CAPN15: variants seen among roughly 807,000 people sequenced by gnomAD.
CAPN15 encodes the protein calpain 15, also known as calpain-15.
Under a neutral mutation model 97.9 loss-of-function variants are expected in CAPN15, and 53 were observed. That is an observed-to-expected ratio of 0.54 (90% confidence interval 0.43 to 0.68). The LOEUF (loss-of-function observed/expected upper bound fraction) is 0.68. Ranked by LOEUF, CAPN15 falls within the 30% of genes least tolerant of loss-of-function variation. The probability of loss-of-function intolerance (pLI) is 0.00; values close to 1 mark genes in which losing one functional copy is unlikely to be tolerated. For synonymous variants in CAPN15, 922 were observed against 722.5 expected, an observed-to-expected ratio of 1.28 and a Z score of -4.43; for missense variants, 1,592 against 1,589.8, an observed-to-expected ratio of 1.00 and a Z score of -0.02.
intron 2 of CAPN15, among the ~76,000 whole-genome samples, chr16:534,344 G>A (rs1422979666): frequency 1.4e-4 from 21 of 151,146 alleles, no homozygotes; most frequent in South Asian, 2.1e-4. Context: ...GCCTGTGCAC[G>A]GCCCCCACCG....
At position 552,112 on chromosome 16, in the gene CAPN15, G is replaced by A. The variant is rs2035129579; in HGVS notation, c.2407G>A (p.Gly803Ser). Reference sequence around the variant, plus strand: ...GGACTGGCAGGAGGCGCGGGTGCAGGGCTGCTTTCCCAGCTCGGCCAGCGC... The same window carrying A: ...GGACTGGCAGGAGGCGCGGGTGCAGAGCTGCTTTCCCAGCTCGGCCAGCGC... ...HSDWQEARVQ[G>S]CFPSSASAPV... Residue 803 changes from glycine to serine, a missense_variant, in exon 10 of 14, where the codon GGC becomes AGC. Transcript: ENST00000219611. The surrounding 1 kb of genome is among the most constrained non-coding windows in gnomAD (Gnocchi z 6.4). 2.6e-6 allele frequency: 4 copies of A among 1,548,838 alleles called. No homozygotes were observed. Among genetic ancestry groups the A allele is most frequent in the South Asian group, 1.2e-5 (1 of 84,038 alleles).
chr16:546,851 G>A lies in CAPN15; in HGVS notation c.13G>A (p.Gly5Arg), dbSNP rs771093418. 1.1e-5 allele frequency: 17 copies of A among 1,607,802 alleles called. No homozygotes were observed. The highest frequency in any genetic ancestry group is 8.0e-5 in the African/African-American group (6 of 74,892). Residue 5 changes from glycine to arginine, a missense_variant, in exon 4 of 14, where the codon GGA becomes AGA. Coordinates refer to ENST00000219611, the MANE Select transcript of CAPN15 (RefSeq NM_005632.3). MATV[G>R]EWSCVRCTFL... ...CTCGCCCGGGTCTATGGCCACGGTC[G>A]GAGAGTGGTCCTGTGTGCGCTGCAC...
intron 3 of CAPN15, among the ~76,000 whole-genome samples, chr16:544,270 GCACCCCGGT>G (rs1366313767): frequency 1.5e-4 from 23 of 152,096 alleles, no homozygotes; most frequent in Non-Finnish European, 4.4e-5. Flanking sequence ...ACCAAGTCTG[GCACCCCGGT>G]GTGCCCCGAG....
At position 547,851 on chromosome 16, in the gene CAPN15, G is replaced by A; in HGVS notation, c.1013G>A (p.Ser338Asn). 2 of 1,611,472 alleles carry A rather than the reference G, an allele frequency of 1.2e-6. No individual in the cohort carries two copies. The highest frequency in any genetic ancestry group is 1.7e-6 in the Non-Finnish European group (2 of 1,179,400). ...CGTTACACGCCCGCCAGCCCCTCCA[G>A]CCCCGACTTCACCACCTGGTCATGT... Reference protein sequence around the residue: ...TVRYTPASPSSPDFTTWSCAK... With the variant: ...TVRYTPASPSNPDFTTWSCAK... Residue 338 changes from serine to asparagine, a missense_variant, in exon 4 of 14, where the codon AGC (serine) becomes AAC (asparagine). Around this residue, in one of 3 missense-constraint regions of CAPN15, gnomAD observed 883 missense variants for 776.6 expected, o/e 1.14. Transcript: ENST00000219611.
Position 549,728 on chromosome 16 carries a change from C to T in CAPN15, c.1956C>T (p.Thr652=), listed in dbSNP as rs764857171. ...GRAIEGLATL[T]GAPCESLALQ... The stretch of plus-strand genomic sequence containing the variant: ...CCATCGAAGGCCTGGCCACGCTCAC[C>T]GGCGCCCCCTGTGAGAGCCTGGCGC... The change falls in exon 7 of 14, where the codon ACC becomes ACT. Residue 652 remains threonine, a synonymous_variant. Transcript: ENST00000219611. 30 of 1,579,348 alleles carry T rather than the reference C, an allele frequency of 1.9e-5. No homozygotes were observed. Among genetic ancestry groups the T allele is most frequent in the South Asian group, 2.3e-5 (2 of 86,960 alleles).
intron 7 of CAPN15, 63 bp from the exon 8 acceptor site, chr16:551,239 C>G: frequency 6.6e-7 from 1 of 1,514,130 alleles, no homozygotes; most frequent in South Asian, 1.2e-5. Flanking sequence ...GTGAGGGTCC[C>G]CGGTCGGTGA....
chr16:539,015 C>A (rs2033923936), intron 3 of CAPN15: 1 of 152,112 alleles, frequency 6.6e-6, no homozygotes, highest in African/African-American at 2.4e-5. Context: ...CCTCCCACGT[C>A]AGCCTCCTGA....
rs1242798396 is a variant in CAPN15 at position 549,984 on chromosome 16, A to G, written c.2066+146A>G. 6.2e-6 allele frequency: 4 copies of G among 646,810 alleles called. No individual in the cohort carries two copies. The East Asian group carries it at 8.3e-5, about 13-fold the overall frequency. The allele number at this position is 646,810 out of a possible 1,614,324, so 40.1% of individuals were successfully genotyped here. ...GGCTGACCCCGCGTGGCCAGGCCAC[A>G]GCCCCAATCACCTCCCCCTCCCTGG... On this transcript the variant is annotated intron_variant, in intron 7 of 13. Coordinates refer to ENST00000219611, the MANE Select transcript of CAPN15 (RefSeq NM_005632.3).
rs1301071160 is a variant in CAPN15 at position 535,282 on chromosome 16, A to G, written c.-136-747A>G. The G allele has an allele frequency of 6.5e-6, 1 of 154,210 alleles. No individual in the cohort carries two copies. The highest frequency in any genetic ancestry group is 1.5e-5 in the Non-Finnish European group (1 of 68,134). The allele number at this position is 154,210 out of a possible 1,614,324, so 9.6% of individuals were successfully genotyped here. On this transcript the variant is annotated intron_variant, in intron 2 of 13. Transcript: ENST00000219611. The surrounding 1 kb of genome is among the most constrained non-coding windows in gnomAD (Gnocchi z 6.2). The stretch of plus-strand genomic sequence containing the variant: ...AAGGCCAGCACCAGAGACCCCCAGC[A>G]GACCTCAGTGGCCGCAGATGGAGCG...
chr16:550,527 GC>G (rs2034915027), intron 7 of CAPN15, among the ~76,000 whole-genome samples: 1 of 152,242 alleles, frequency 6.6e-6, no homozygotes. Context: ...GTCGCGGCCA[GC>G]GAGGGCACTG....
chr16:551,126 T>G lies in CAPN15; in HGVS notation c.2067-176T>G, dbSNP rs1407297431. ...AGGGTCCCCGGTCGGTGAGGGCCCCTGTTGGTGAGGGCCCCGGTCGGTGAG... is the reference window on the plus strand; with the variant it reads ...AGGGTCCCCGGTCGGTGAGGGCCCCGGTTGGTGAGGGCCCCGGTCGGTGAG... On this transcript the variant is annotated intron_variant, in intron 7 of 13. Coordinates refer to ENST00000219611, the MANE Select transcript of CAPN15 (RefSeq NM_005632.3). Among the ~76,000 whole-genome samples, 100 of 40,074 alleles carry G rather than the reference T, an allele frequency of 2.5e-3. 2 individuals carry two copies. Among genetic ancestry groups the G allele is most frequent in the Middle Eastern group, 0.017 (1 of 58 alleles). 26.3% of individuals were successfully genotyped at this position (40,074 alleles called of 152,430 possible). A position where few individuals can be genotyped will look rare whatever the true frequency, so the allele number is the denominator to read the frequency against.
Position 552,431 on chromosome 16 carries a change from G to A in CAPN15, c.2638G>A (p.Val880Ile), listed in dbSNP as rs372978468. The change falls in exon 11 of 14, where the codon GTC (valine) becomes ATC (isoleucine). Residue 880 changes from valine to isoleucine, a missense_variant. Physicochemically the swap from Val to Ile is conservative, Grantham distance 29. Coordinates refer to ENST00000219611, the MANE Select transcript of CAPN15 (RefSeq NM_005632.3). This position sits in a 1 kb window ranked among gnomAD's most constrained non-coding sequence, Gnocchi z 6.4. ...CAGTAAGCGCGCGGTCAAGAAGTTC[G>A]TCAGCTGCGACGTCATGCTGGAGCC... ...AHSKRAVKKF[V>I]SCDVMLEPGE... 211 of 1,609,940 alleles carry A rather than the reference G, an allele frequency of 1.3e-4. No individual in the cohort carries two copies. The highest frequency in any genetic ancestry group is 1.6e-4 in the Middle Eastern group (1 of 6,078).
chr16:528,090 G>T (rs1370841623), intron 1 of CAPN15, 61 bp downstream of exon 1: 2 of 146,148 alleles, frequency 1.4e-5, no homozygotes, highest in South Asian at 2.0e-4. Context: ...CGGGGAGCGC[G>T]GGCCCGGAGG....
At chr16:550,423 A>C (rs1386417791) in intron 7 of CAPN15, among the ~76,000 whole-genome samples, 1 of 152,146 alleles carries the variant, frequency 6.6e-6, no homozygotes, top group Non-Finnish European at 1.5e-5. Flanking sequence ...GGCATGGTGG[A>C]GGGGGCTGGT....
intron 3 of CAPN15, chr16:539,079 A>G (rs77838240): frequency 0.026 from 3,913 of 152,092 alleles, 154 homozygotes; most frequent in African/African-American, 0.09. Context: ...TTAGTTTTCT[A>G]TAAAGACAGG....
chr16:528,891 A>C (rs1330796459), intron 1 of CAPN15: 1 of 463,234 alleles, frequency 2.2e-6, no homozygotes, highest in Non-Finnish European at 2.8e-6. Flanking sequence ...CGGAAACGTG[A>C]GTCACAGTTC....
chr16:551,446 A>G lies in CAPN15; in HGVS notation c.2192+19A>G. The G allele has an allele frequency of 6.2e-7, 1 of 1,601,596 alleles. No individual in the cohort carries two copies. The highest frequency in any genetic ancestry group is 8.5e-7 in the Non-Finnish European group (1 of 1,171,216). On this transcript the variant is annotated intron_variant, in intron 8 of 13. Transcript: ENST00000219611. ...GCACCAGGTAGGGCCGGCCTGGCTG[A>G]GGGTGGGTGGGGTGCCGGTGAGACT...
At chr16:549,231 C>CG in intron 5 of CAPN15, 30 bp downstream of exon 5, 2 of 62,834 alleles carry the variant, frequency 3.2e-5, no homozygotes, top group South Asian at 1.9e-4. Flanking sequence ...CGGGGTGGGG[C>CG]GGGTGGGCGG....
chr16:551,859 C>T (rs758248056), intron 9 of CAPN15, 192 bp from the exon 10 acceptor site: 7 of 975,302 alleles, frequency 7.2e-6, no homozygotes, highest in Non-Finnish European at 1.1e-5. Flanking sequence ...ATTCCAGCGC[C>T]CTGAAGAGCC....
Sources: allele counts gnomAD v4.1 joint callset (sites outside exome capture counted in the v4.1 genomes callset), GRCh38; gene constraint gnomAD v4.1.1; regional missense constraint gnomAD v4.1.1; non-coding constraint Gnocchi (gnomAD v3.1); transcripts MANE v1.5; gene names NCBI Gene and HGNC (gene_info 2026-07-23, HGNC 2026-07-21).